The following EPM2A variants were observed in gnomAD, a reference collection of about 807,000 sequenced individuals.
EPM2A encodes the protein EPM2A glucan phosphatase, laforin.
EPM2A carries 21 observed loss-of-function variants against 26.5 expected under a neutral mutation model. The observed-to-expected ratio is 0.79, with a 90% CI of 0.56 to 1.14. EPM2A has a LOEUF of 1.14. EPM2A is among the 50% of genes most tolerant of loss of function. EPM2A has a pLI of 0.00. For synonymous variants in EPM2A, 217 were observed against 177.6 expected (o/e 1.22, Z -1.76); for missense variants, 458 against 440.8 (o/e 1.04, Z -0.35).
At chr6:145,512,280 T>C (rs1285459755) in intron 2 of EPM2A, among the ~76,000 whole-genome samples, 1 of 152,086 alleles carries the variant, frequency 6.6e-6, no homozygotes, top group African/African-American at 2.4e-5. Context: ...AAAAATAGCC[T>C]GAATTGCCAA....
chr6:145,675,208 T>C (rs1217726220), intron 2 of EPM2A, among the ~76,000 whole-genome samples: 4 of 152,112 alleles, frequency 2.6e-5, no homozygotes, highest in African/African-American at 9.7e-5. Context: ...GAAGGAGAAA[T>C]AAAATACTTT....
chr6:145,538,499 T>C lies in EPM2A; in HGVS notation c.341-35924A>G, dbSNP rs560850449. The stretch of plus-strand genomic sequence containing the variant: ...CTCTTGCTTCTTAGAGCATCACTTA[T>C]CAATGACAAAGCTTGAACAGCAATC... On this transcript the variant is annotated intron_variant, in intron 2 of 3. Coordinates refer to the EPM2A transcript ENST00000450221. 1.1e-3 allele frequency among the ~76,000 whole-genome samples: 168 copies of C among 152,336 alleles called. 1 individual carries two copies. The highest frequency in any genetic ancestry group is 3.4e-3 in the Middle Eastern group (1 of 294).
chr6:145,647,229 C>T (rs1432947617), intron 2 of EPM2A, among the ~76,000 whole-genome samples: 1 of 152,170 alleles, frequency 6.6e-6, no homozygotes, highest in Admixed American at 6.5e-5. Context: ...CTGACCCCTA[C>T]GTGTGTCACT....
At chr6:145,437,053 A>G (rs144618108) in intron 4 of EPM2A, among the ~76,000 whole-genome samples, 4 of 152,188 alleles carry the variant, frequency 2.6e-5, no homozygotes, top group Non-Finnish European at 5.9e-5. Context: ...GTTTGGCTTT[A>G]TGTCCCCACC....
chr6:145,645,915 A>G (rs996641842), intron 2 of EPM2A, among the ~76,000 whole-genome samples: 3 of 152,128 alleles, frequency 2.0e-5, no homozygotes, highest in African/African-American at 7.2e-5. Context: ...ACTTTTAAGG[A>G]CATTTATTCT....
At chr6:145,727,729 T>C (rs567603257) in intron 1 of EPM2A, among the ~76,000 whole-genome samples, 50 of 152,320 alleles carry the variant, frequency 3.3e-4, no homozygotes, top group Middle Eastern at 3.4e-3. Context: ...TAGCATGCAT[T>C]GTTAGCTGCC....
At chr6:145,709,746 C>T (rs1338115967) in intron 1 of EPM2A, among the ~76,000 whole-genome samples, 1 of 152,022 alleles carries the variant, frequency 6.6e-6, no homozygotes, top group Admixed American at 6.6e-5. Context: ...AGAAGAAACA[C>T]AAAGTAGTTC....
chr6:145,571,563 T>C (rs557737601), intron 2 of EPM2A, among the ~76,000 whole-genome samples: 1 of 152,320 alleles, frequency 6.6e-6, no homozygotes, highest in East Asian at 1.9e-4. Flanking sequence ...GACAAACCTC[T>C]ACCCTTTCCA....
intron 1 of EPM2A, among the ~76,000 whole-genome samples, chr6:145,728,423 G>A (rs113678908): frequency 1.5e-3 from 226 of 152,330 alleles, no homozygotes; most frequent in African/African-American, 5.2e-3. Flanking sequence ...AGTCCAGGCT[G>A]AGGTGGTCTC....
chr6:145,673,926 G>A (rs1779833710), intron 2 of EPM2A, among the ~76,000 whole-genome samples: 1 of 152,130 alleles, frequency 6.6e-6, no homozygotes, highest in African/African-American at 2.4e-5. Context: ...AGAGAGCAGT[G>A]GTTCTCCCAG....
At chr6:145,449,955 A>G (rs978853095) in intron 4 of EPM2A, among the ~76,000 whole-genome samples, 1 of 152,288 alleles carries the variant, frequency 6.6e-6, no homozygotes, top group Middle Eastern at 3.4e-3. Flanking sequence ...ATTCCATAGT[A>G]ATAAAGAAAA....
chr6:145,713,037 T>G (rs546739561), intron 1 of EPM2A, among the ~76,000 whole-genome samples: 2 of 152,228 alleles, frequency 1.3e-5, no homozygotes, highest in Non-Finnish European at 2.9e-5. Context: ...GGAAGTTACA[T>G]TGAGAAATAA....
intron 4 of EPM2A, among the ~76,000 whole-genome samples, chr6:145,443,718 C>T (rs6913685): frequency 0.64 from 97,776 of 152,014 alleles, 32,969 homozygotes; most frequent in East Asian, 0.86. Flanking sequence ...ACCCAAATCT[C>T]ACCTTGTAGC....
rs1780696843 is a variant in EPM2A at position 145,554,435 on chromosome 6, G to GATAGATAGAT, written c.341-51870_341-51861dup. Among the ~76,000 whole-genome samples, 15 of 143,930 alleles carry GATAGATAGAT rather than the reference G, an allele frequency of 1.0e-4. No homozygotes were observed. In the South Asian group the frequency reaches 2.6e-3, roughly 25 times the overall value. 94.4% of individuals were successfully genotyped at this position (143,930 alleles called of 152,430 possible). On this transcript the variant is annotated intron_variant, in intron 2 of 3. Coordinates refer to the EPM2A transcript ENST00000450221. ...GAGATAGATAGATGATAGATAGATA[G>GATAGATAGAT]ATAGATAGATAGATAGATAGATAGA...
At chr6:145,531,826 A>G (rs1227841654) in intron 2 of EPM2A, among the ~76,000 whole-genome samples, 3 of 152,204 alleles carry the variant, frequency 2.0e-5, no homozygotes, top group Non-Finnish European at 4.4e-5. Flanking sequence ...TTCACTCCAG[A>G]TAATTTATCC....
chr6:145,395,936 T>G (rs1030864535), intron 4 of EPM2A, among the ~76,000 whole-genome samples: 2 of 152,162 alleles, frequency 1.3e-5, no homozygotes, highest in African/African-American at 4.8e-5. Context: ...TAGAACTGCA[T>G]GCCCTCACTC....
At chr6:145,576,802 G>A (rs1407840531) in intron 2 of EPM2A, among the ~76,000 whole-genome samples, 2 of 151,826 alleles carry the variant, frequency 1.3e-5, no homozygotes, top group African/African-American at 4.8e-5. Context: ...AAGAATAAAA[G>A]ACAAACCTAC....
chr6:145,575,007 C>T (rs1047088075), intron 2 of EPM2A, among the ~76,000 whole-genome samples: 3 of 152,156 alleles, frequency 2.0e-5, no homozygotes, highest in East Asian at 1.9e-4. Flanking sequence ...CCTCTAGGGG[C>T]CTGCTGGGAC....
At chr6:145,578,285 A>C (rs990094164) in intron 2 of EPM2A, among the ~76,000 whole-genome samples, 2 of 152,082 alleles carry the variant, frequency 1.3e-5, no homozygotes, top group African/African-American at 4.8e-5. Context: ...CAAAATTAGC[A>C]AACCTTATGC....
Sources: gnomAD v4.1 joint callset for allele counts (sites outside exome capture counted in the v4.1 genomes callset) on GRCh38, gnomAD v4.1.1 for gene constraint, MANE v1.5 for transcripts, NCBI Gene and HGNC (gene_info 2026-07-23, HGNC 2026-07-21) for gene names.